The following CCDC6 variants were observed in gnomAD, a reference collection of about 807,000 sequenced individuals.
The protein encoded by CCDC6 is coiled-coil domain containing 6.
Under a neutral mutation model 56.6 loss-of-function variants are expected in CCDC6, and 20 were observed. That is an observed-to-expected ratio of 0.35 (90% CI 0.25 to 0.51). The LOEUF (loss-of-function observed/expected upper bound fraction) is 0.51, where lower values mean the gene tolerates loss of function less well. CCDC6 is among the 20% of genes least tolerant of loss of function. CCDC6 has a pLI of 0.95. For missense variants in CCDC6, 367 were observed against 601.1 expected (o/e 0.61, Z 4.07); for synonymous variants, 241 against 234.4 (o/e 1.03, Z -0.26).
At chr10:59,867,566 G>A (rs2071187867) in intron 1 of CCDC6, among the ~76,000 whole-genome samples, 1 of 152,092 alleles carries the variant, frequency 6.6e-6, no homozygotes, top group African/African-American at 2.4e-5. Context: ...TCATTTGTTT[G>A]TTTCTGAGAC....
intron 3 of CCDC6, among the ~76,000 whole-genome samples, chr10:59,824,868 A>T (rs1408705301): frequency 6.6e-6 from 1 of 152,228 alleles, no homozygotes; most frequent in Non-Finnish European, 1.5e-5. Flanking sequence ...AGACTTCCAT[A>T]ATCTGAAATT....
intron 7 of CCDC6, among the ~76,000 whole-genome samples, chr10:59,803,941 C>T (rs1252740871): frequency 6.6e-6 from 1 of 152,146 alleles, no homozygotes; most frequent in Non-Finnish European, 1.5e-5. Flanking sequence ...GGCTGTGTAA[C>T]CAGTAGTGAC....
chr10:59,795,745 C>T (rs10994013), intron 7 of CCDC6, among the ~76,000 whole-genome samples: 14,025 of 151,070 alleles, frequency 0.093, 1,106 homozygotes, highest in African/African-American at 0.21. Flanking sequence ...TTTGTCCTTG[C>T]GATAGTTTAC....
intron 7 of CCDC6, among the ~76,000 whole-genome samples, chr10:59,797,765 A>C (rs973555397): frequency 6.6e-6 from 1 of 151,754 alleles, no homozygotes; most frequent in Non-Finnish European, 1.5e-5. Context: ...GAGAATATTC[A>C]ATACAAGGAA....
chr10:59,797,500 G>C (rs1389050349), intron 7 of CCDC6, among the ~76,000 whole-genome samples: 1 of 137,232 alleles, frequency 7.3e-6, no homozygotes, highest in Non-Finnish European at 1.5e-5. Flanking sequence ...AATATCAAAT[G>C]CAAGAAAACC....
At chr10:59,820,045 A>G (rs550172668) in intron 3 of CCDC6, among the ~76,000 whole-genome samples, 56 of 152,062 alleles carry the variant, frequency 3.7e-4, no homozygotes, top group Admixed American at 3.1e-3. Flanking sequence ...AACTTCTTCA[A>G]TGAATAAACT....
At position 59,792,285 on chromosome 10, in the gene CCDC6, T is replaced by C; in HGVS notation, c.*632A>G. 5.9e-6 allele frequency: 2 copies of C among 339,254 alleles called. No individual in the cohort carries two copies. Among genetic ancestry groups the C allele is most frequent in the Non-Finnish European group, 5.5e-6 (1 of 181,430 alleles). 21.0% of individuals were successfully genotyped at this position (339,254 alleles called of 1,614,324 possible). A position where few individuals can be genotyped will look rare whatever the true frequency, so the allele number is the denominator to read the frequency against. ...GGAGAAGGTACAGCCACATGATTCA[T>C]TACTTTGGGCCATCTGTTTTACGAG... On this transcript the variant is annotated 3_prime_UTR_variant, in exon 9 of 9. Coordinates refer to ENST00000263102, the MANE Select transcript of CCDC6 (RefSeq NM_005436.5).
intron 1 of CCDC6, among the ~76,000 whole-genome samples, chr10:59,866,628 A>G (rs926516809): frequency 2.0e-5 from 3 of 152,134 alleles, no homozygotes; most frequent in African/African-American, 7.2e-5. Context: ...CTCACGTCGT[A>G]TATAGGGAAA....
Position 59,804,427 on chromosome 10 carries a change from T to A in CCDC6, c.1098A>T (p.Ile366=). 6.2e-7 allele frequency: 1 copy of A among 1,602,122 alleles called. No individual in the cohort carries two copies. The highest frequency in any genetic ancestry group is 8.6e-7 in the Non-Finnish European group (1 of 1,169,138). Residue 366 remains isoleucine (I), a synonymous_variant, in exon 7 of 9, where the codon ATA becomes ATT. Transcript: ENST00000263102. The stretch of plus-strand genomic sequence containing the variant: ...CCAAAGACATATGCTCACCAGGTGA[T>A]ATAGGCCTGCTTGAACTCGGAGAAG... ...YTPSPSSSRP[I]SPGLSYASHT...
chr10:59,827,415 A>C (rs1427432574), intron 3 of CCDC6, among the ~76,000 whole-genome samples: 13 of 152,208 alleles, frequency 8.5e-5, no homozygotes, highest in Admixed American at 8.5e-4. Context: ...TGTGTAGTCC[A>C]CATTTGAATA....
chr10:59,810,477 G>C (rs1274463467), intron 5 of CCDC6, among the ~76,000 whole-genome samples: 3 of 149,542 alleles, frequency 2.0e-5, no homozygotes, highest in Admixed American at 2.0e-4. Flanking sequence ...GGGCACGATG[G>C]AGCAGTATAA....
intron 7 of CCDC6, among the ~76,000 whole-genome samples, chr10:59,803,219 A>G (rs10994023): frequency 0.1 from 15,274 of 152,000 alleles, 1,159 homozygotes; most frequent in African/African-American, 0.2. Context: ...CTTTGGAATC[A>G]GCATCTTTAC....
chr10:59,887,231 G>A (rs2071388792), intron 1 of CCDC6, among the ~76,000 whole-genome samples: 1 of 152,086 alleles, frequency 6.6e-6, no homozygotes, highest in Non-Finnish European at 1.5e-5. Flanking sequence ...AACCCTCTCT[G>A]AGCCTCAGTT....
At chr10:59,824,738 G>A (rs560662801) in intron 3 of CCDC6, among the ~76,000 whole-genome samples, 3 of 152,190 alleles carry the variant, frequency 2.0e-5, no homozygotes, top group Non-Finnish European at 2.9e-5. Context: ...CTAGGGGAAC[G>A]GCAATCTAGG....
intron 2 of CCDC6, among the ~76,000 whole-genome samples, chr10:59,833,608 T>C (rs2070851713): frequency 8.3e-6 from 1 of 120,192 alleles, no homozygotes; most frequent in Non-Finnish European, 1.6e-5. Flanking sequence ...TTCTCATTAA[T>C]AATCGCGCGT....
intron 3 of CCDC6, among the ~76,000 whole-genome samples, chr10:59,822,629 G>A (rs1318600121): frequency 2.0e-5 from 3 of 152,140 alleles, no homozygotes; most frequent in Non-Finnish European, 4.4e-5. Flanking sequence ...GTGTGGTGGT[G>A]CATGTCTGTA....
At chr10:59,885,789 T>C (rs2071378047) in intron 1 of CCDC6, among the ~76,000 whole-genome samples, 2 of 152,172 alleles carry the variant, frequency 1.3e-5, no homozygotes, top group African/African-American at 2.4e-5. Context: ...GGAAGCTCCG[T>C]TGGCTGCCTT....
At position 59,790,014 on chromosome 10, in the gene CCDC6, C is replaced by T. The variant is rs1457830754; in HGVS notation, c.*2903G>A. The T allele has an allele frequency of 4.6e-6, 1 of 216,814 alleles. No individual in the cohort carries two copies. Among genetic ancestry groups the T allele is most frequent in the Non-Finnish European group, 9.3e-6 (1 of 107,480 alleles). 13.4% of individuals were successfully genotyped at this position (216,814 alleles called of 1,614,324 possible). ...TATCTCAGGAGCTCAGAATTTAAAACTCCTTTCAGTCAACGAAGGAGTAAG... is the reference window on the plus strand; with the variant it reads ...TATCTCAGGAGCTCAGAATTTAAAATTCCTTTCAGTCAACGAAGGAGTAAG... On this transcript the variant is annotated 3_prime_UTR_variant, in exon 9 of 9. Coordinates refer to ENST00000263102, the MANE Select transcript of CCDC6 (RefSeq NM_005436.5).
intron 1 of CCDC6, among the ~76,000 whole-genome samples, chr10:59,900,479 G>T (rs911724025): frequency 1.3e-5 from 2 of 152,218 alleles, no homozygotes; most frequent in Non-Finnish European, 2.9e-5. Flanking sequence ...AGAGCTTAGA[G>T]AATGCACACT....
Sources: gnomAD v4.1 joint callset for allele counts (sites outside exome capture counted in the v4.1 genomes callset) on GRCh38, gnomAD v4.1.1 for gene constraint, MANE v1.5 for transcripts, NCBI Gene and HGNC (gene_info 2026-07-23, HGNC 2026-07-21) for gene names.